The following HTR7 variants were observed in gnomAD, a reference collection of about 807,000 sequenced individuals.
HTR7 encodes the protein 5-hydroxytryptamine receptor 7.
HTR7 carries 16 observed loss-of-function variants against 34.0 expected under a neutral mutation model. The observed-to-expected ratio is 0.47, with a 90% CI of 0.32 to 0.71. The LOEUF is 0.71. Among genes scored for constraint, HTR7 ranks in the 30% least tolerant of loss-of-function variants. HTR7 has a pLI of 0.04. For missense variants in HTR7, 504 were observed against 625.5 expected, an observed-to-expected ratio of 0.81 and a Z score of 2.07; for synonymous variants, 265 against 260.2, an observed-to-expected ratio of 1.02 and a Z score of -0.18.
intron 1 of HTR7, among the ~76,000 whole-genome samples, chr10:90,788,615 T>C (rs1845417227): frequency 1.3e-5 from 2 of 152,252 alleles, no homozygotes; most frequent in Admixed American, 1.3e-4. Flanking sequence ...CTAATTGTGA[T>C]ATCAATGTAT....
Position 90,743,644 on chromosome 10 carries a change from GT to G in HTR7, c.1341del (p.Pro448ArgfsTer16). 1 of 1,613,932 alleles carries G rather than the reference GT, an allele frequency of 6.2e-7. No individual in the cohort carries two copies. The highest frequency in any genetic ancestry group is 8.5e-7 in the Non-Finnish European group (1 of 1,179,898). ...GATTGTAGCACCCACACAGATACCG[GT>G]GGCCTCTTTTCTGGTCTCAACAGCA... is the stretch of plus-strand genomic sequence containing the variant. ...RRVLLRPEKR[P>X]PVSVWVLQSP... On this transcript the variant is annotated frameshift_variant, in exon 3 of 4. Transcript: ENST00000336152. LOFTEE classifies it high-confidence loss of function.
chr10:90,749,167 G>A lies in HTR7; in HGVS notation c.967C>T (p.Gln323Ter), dbSNP rs2119675299. ...ATCCCCAGGGTGGTGGCTGCTTTCTGTTCTCGCTTAAAGATGGAGATGTTT... is the reference window on the plus strand; with the variant it reads ...ATCCCCAGGGTGGTGGCTGCTTTCTATTCTCGCTTAAAGATGGAGATGTTT... ...RKNISIFKRE[Q>*]KAATTLGIIV... The change falls in exon 2 of 4, where the codon CAG becomes TAG. Residue 323 changes from glutamine to a stop codon, truncating the protein, a stop_gained. Coordinates refer to ENST00000336152, the MANE Select transcript of HTR7 (RefSeq NM_019859.4). LOFTEE classifies it high-confidence loss of function. This position sits in a 1 kb window ranked among gnomAD's most constrained non-coding sequence, Gnocchi z 4.2. The A allele has an allele frequency of 6.2e-7, 1 of 1,614,160 alleles. No individual in the cohort carries two copies. The highest frequency in any genetic ancestry group is 8.5e-7 in the Non-Finnish European group (1 of 1,180,030).
At position 90,821,783 on chromosome 10, in the gene HTR7, C is replaced by T. The variant is rs1328935309; in HGVS notation, c.539+35350G>A. Among the ~76,000 whole-genome samples the T allele has an allele frequency of 5.9e-5, 9 of 152,236 alleles. No individual in the cohort carries two copies. The South Asian group carries it at 6.2e-4, about 11-fold the overall frequency. ...ACTGAATCATGAGGGTGGACTTCCC[C>T]GTTGCTATTCTTGTGGTAGGGTTCT... On this transcript the variant is annotated intron_variant, in intron 1 of 3. Transcript: ENST00000336152.
intron 1 of HTR7, among the ~76,000 whole-genome samples, chr10:90,815,237 G>A (rs28842222): frequency 0.26 from 39,292 of 151,570 alleles, 5,375 homozygotes; most frequent in African/African-American, 0.35. Flanking sequence ...GAGTACAGGC[G>A]CCCACCACCT....
At chr10:90,777,758 G>C (rs1287350627) in intron 1 of HTR7, among the ~76,000 whole-genome samples, 2 of 152,212 alleles carry the variant, frequency 1.3e-5, no homozygotes, top group African/African-American at 4.8e-5. Flanking sequence ...ACCAGCAGTT[G>C]TGAACAATGA....
At chr10:90,758,809 T>C (rs1349026058) in intron 1 of HTR7, among the ~76,000 whole-genome samples, 1 of 151,674 alleles carries the variant, frequency 6.6e-6, no homozygotes, top group South Asian at 2.1e-4. Flanking sequence ...ATATGCAAGG[T>C]AGAAAAAAAA....
chr10:90,846,013 A>G (rs1317397925), intron 1 of HTR7, among the ~76,000 whole-genome samples: 2 of 152,234 alleles, frequency 1.3e-5, no homozygotes, highest in African/African-American at 2.4e-5. Context: ...AAAAAAGTGT[A>G]TATAAACATC....
intron 1 of HTR7, among the ~76,000 whole-genome samples, chr10:90,831,190 T>C (rs991139644): frequency 1.3e-5 from 2 of 152,230 alleles, no homozygotes; most frequent in African/African-American, 4.8e-5. Context: ...GGTAGGCTCT[T>C]GGTCTCACTG....
At chr10:90,751,506 A>G (rs888869318) in intron 1 of HTR7, among the ~76,000 whole-genome samples, 8 of 152,094 alleles carry the variant, frequency 5.3e-5, no homozygotes, top group Admixed American at 2.0e-4. Context: ...GGCATCCAAG[A>G]CATGAGCCCA....
chr10:90,805,376 C>T (rs1845689032), intron 1 of HTR7, among the ~76,000 whole-genome samples: 1 of 152,224 alleles, frequency 6.6e-6, no homozygotes, highest in Non-Finnish European at 1.5e-5. Context: ...GTCTTTGAAT[C>T]TCTTTGTGAA....
At chr10:90,832,171 G>A (rs527266247) in intron 1 of HTR7, among the ~76,000 whole-genome samples, 13 of 152,190 alleles carry the variant, frequency 8.5e-5, no homozygotes, top group Non-Finnish European at 1.5e-4. Flanking sequence ...CACGCCATGC[G>A]GGTGCACTCC....
intron 1 of HTR7, among the ~76,000 whole-genome samples, chr10:90,773,831 T>C (rs1468217993): frequency 1.3e-5 from 2 of 152,224 alleles, no homozygotes; most frequent in African/African-American, 4.8e-5. Flanking sequence ...ATGTACCACA[T>C]TTCCTTTATC....
chr10:90,857,089 C>G lies in HTR7; in HGVS notation c.539+44G>C, dbSNP rs199614368. ...CGAGCGCGCGGGGCTGAGCTGCCAG[C>G]CGGTCCCCAGCCGGAGCCTGGGACG... On this transcript the variant is annotated intron_variant, in intron 1 of 3. Transcript: ENST00000336152. The surrounding 1 kb of genome is among the most constrained non-coding windows in gnomAD (Gnocchi z 6.5). The G allele has an allele frequency of 1.6e-5, 24 of 1,484,216 alleles. No individual in the cohort carries two copies. The East Asian group carries it at 5.9e-4, about 36-fold the overall frequency. The allele number at this position is 1,484,216 out of a possible 1,614,324, so 91.9% of individuals were successfully genotyped here.
chr10:90,754,676 G>C (rs1035886680), intron 1 of HTR7, among the ~76,000 whole-genome samples: 9 of 152,170 alleles, frequency 5.9e-5, no homozygotes, highest in Non-Finnish European at 1.2e-4. Flanking sequence ...GTTATAATCT[G>C]CATAGAGAGG....
At chr10:90,755,896 T>C (rs1270893433) in intron 1 of HTR7, among the ~76,000 whole-genome samples, 3 of 152,194 alleles carry the variant, frequency 2.0e-5, no homozygotes, top group Non-Finnish European at 4.4e-5. Context: ...AAAATACACA[T>C]ACAAAAGTTT....
chr10:90,857,070 C>T lies in HTR7; in HGVS notation c.539+63G>A, dbSNP rs966990893. 45 of 1,427,654 alleles carry T rather than the reference C, an allele frequency of 3.2e-5. No individual in the cohort carries two copies. The African/African-American group carries it at 5.0e-4, about 16-fold the overall frequency. 88.4% of individuals were successfully genotyped at this position (1,427,654 alleles called of 1,614,324 possible). A position where few individuals can be genotyped will look rare whatever the true frequency, so the allele number is the denominator to read the frequency against. On this transcript the variant is annotated intron_variant, in intron 1 of 3. Transcript: ENST00000336152. The surrounding 1 kb of genome is among the most constrained non-coding windows in gnomAD (Gnocchi z 6.5). ...TTGATCCTCCCAGGAAAGGCGAGCG[C>T]GCGGGGCTGAGCTGCCAGCCGGTCC...
intron 1 of HTR7, among the ~76,000 whole-genome samples, chr10:90,796,384 A>T (rs139749540): frequency 6.6e-6 from 1 of 152,250 alleles, no homozygotes; most frequent in Non-Finnish European, 1.5e-5. Context: ...TTTAAATAAC[A>T]AAAGGTTGAA....
chr10:90,812,995 C>T (rs1845839531), intron 1 of HTR7, among the ~76,000 whole-genome samples: 2 of 152,176 alleles, frequency 1.3e-5, no homozygotes, highest in African/African-American at 4.8e-5. Flanking sequence ...ATGACATTGT[C>T]TTGTGAAATT....
intron 1 of HTR7, among the ~76,000 whole-genome samples, chr10:90,790,879 T>C (rs1056870518): frequency 1.3e-5 from 2 of 152,008 alleles, no homozygotes; most frequent in Non-Finnish European, 2.9e-5. Flanking sequence ...GAAAATTACA[T>C]TGGATGCTTA....
Sources: gnomAD v4.1 joint callset for allele counts (sites outside exome capture counted in the v4.1 genomes callset) on GRCh38, gnomAD v4.1.1 for gene constraint, Gnocchi (gnomAD v3.1) non-coding constraint, MANE v1.5 for transcripts, NCBI Gene and HGNC (gene_info 2026-07-23, HGNC 2026-07-21) for gene names.